The following MTUS2 variants were observed in gnomAD, a reference collection of about 807,000 sequenced individuals.
The protein encoded by MTUS2 is microtubule associated scaffold protein 2.
In MTUS2, 40 loss-of-function variants were observed where a neutral mutation model predicts 114.1. The ratio of observed to expected loss-of-function variants is 0.35; its 90% CI spans 0.27 to 0.46. The LOEUF (loss-of-function observed/expected upper bound fraction) is 0.46. Among genes scored for constraint, MTUS2 ranks in the 20% least tolerant of loss-of-function variants. The pLI is 1.00. For synonymous variants in MTUS2, 688 were observed against 672.0 expected, an observed-to-expected ratio of 1.02 and a Z score of -0.37; for missense variants, 1,679 against 1,705.4, an observed-to-expected ratio of 0.98 and a Z score of 0.27.
chr13:28,950,308 T>C (rs185795208), intron 2 of MTUS2, among the ~76,000 whole-genome samples: 2 of 152,334 alleles, frequency 1.3e-5, no homozygotes, highest in Admixed American at 6.5e-5. Context: ...TTTTTGTTTG[T>C]TGTTGAGCTG....
chr13:29,179,998 T>C (rs9579302), intron 5 of MTUS2, among the ~76,000 whole-genome samples: 23 of 152,340 alleles, frequency 1.5e-4, no homozygotes, highest in Non-Finnish European at 2.9e-4. Flanking sequence ...ACATAAACTG[T>C]GTTAGGTGAA....
At chr13:29,064,020 G>A (rs1888540371) in intron 4 of MTUS2, among the ~76,000 whole-genome samples, 3 of 152,196 alleles carry the variant, frequency 2.0e-5, no homozygotes, top group Admixed American at 2.0e-4. Flanking sequence ...AGGCCTGGGG[G>A]CGCATTGATT....
At chr13:29,498,874 C>T (rs1051138230) in intron 14 of MTUS2, among the ~76,000 whole-genome samples, 4 of 152,186 alleles carry the variant, frequency 2.6e-5, no homozygotes, top group East Asian at 3.9e-4. Flanking sequence ...AGACACTGCA[C>T]GGAGCACTTT....
chr13:28,888,319 G>A (rs1343025100), intron 2 of MTUS2, among the ~76,000 whole-genome samples: 2 of 151,930 alleles, frequency 1.3e-5, no homozygotes, highest in Non-Finnish European at 2.9e-5. Flanking sequence ...GTTTTAAATA[G>A]GACAGTGAAA....
chr13:29,152,009 C>T (rs190857301), intron 5 of MTUS2, among the ~76,000 whole-genome samples: 7 of 151,854 alleles, frequency 4.6e-5, no homozygotes, highest in South Asian at 2.1e-4. Context: ...GTTGTGTCTT[C>T]GATCGATTTT....
intron 1 of MTUS2, among the ~76,000 whole-genome samples, chr13:28,832,581 TTAA>T (rs1874765632): frequency 2.0e-5 from 3 of 150,130 alleles, no homozygotes; most frequent in African/African-American, 7.3e-5. Flanking sequence ...ACTTTACACC[TTAA>T]TAATGTAAAG....
At chr13:29,268,533 C>G (rs1566100910) in intron 5 of MTUS2, among the ~76,000 whole-genome samples, 1 of 152,176 alleles carries the variant, frequency 6.6e-6, no homozygotes, top group Non-Finnish European at 1.5e-5. Context: ...CCATGCTCGT[C>G]CCTTTGCTGG....
intron 2 of MTUS2, among the ~76,000 whole-genome samples, chr13:28,968,675 C>T (rs1044709006): frequency 2.6e-5 from 4 of 152,100 alleles, no homozygotes; most frequent in Non-Finnish European, 5.9e-5. Flanking sequence ...TTTTATATGA[C>T]TCGTGCCTTA....
At chr13:29,016,081 T>A (rs1886053389) in intron 2 of MTUS2, among the ~76,000 whole-genome samples, 1 of 152,074 alleles carries the variant, frequency 6.6e-6, no homozygotes, top group Non-Finnish European at 1.5e-5. Context: ...ATTTTTGTAT[T>A]TTTAGTAGAG....
chr13:29,018,431 A>T (rs1488999044), intron 2 of MTUS2, among the ~76,000 whole-genome samples: 6 of 152,202 alleles, frequency 3.9e-5, no homozygotes, highest in African/African-American at 1.4e-4. Context: ...GGATGAAGAA[A>T]TTCTATATGA....
chr13:29,178,566 A>G (rs1407180814), intron 5 of MTUS2, among the ~76,000 whole-genome samples: 1 of 152,134 alleles, frequency 6.6e-6, no homozygotes, highest in Admixed American at 6.5e-5. Context: ...CAACACCCTC[A>G]GTAGCACTTC....
chr13:28,863,301 A>G (rs1246810180), intron 2 of MTUS2, among the ~76,000 whole-genome samples: 1 of 152,150 alleles, frequency 6.6e-6, no homozygotes, highest in Non-Finnish European at 1.5e-5. Context: ...ATTGTTCCTT[A>G]TTAAAATCCA....
chr13:29,248,984 G>C (rs1276293070), intron 5 of MTUS2, among the ~76,000 whole-genome samples: 1 of 151,884 alleles, frequency 6.6e-6, no homozygotes, highest in Non-Finnish European at 1.5e-5. Context: ...TCGTTCGTTT[G>C]TTCGTTTGTT....
intron 2 of MTUS2, among the ~76,000 whole-genome samples, chr13:28,980,016 AATC>A (rs1452656265): frequency 2.6e-5 from 4 of 152,212 alleles, no homozygotes; most frequent in African/African-American, 9.6e-5. Flanking sequence ...ATTTAAAGCA[AATC>A]ATCAGAAGGA....
intron 2 of MTUS2, among the ~76,000 whole-genome samples, chr13:28,952,707 T>C (rs1882870374): frequency 6.6e-6 from 1 of 152,226 alleles, no homozygotes; most frequent in African/African-American, 2.4e-5. Flanking sequence ...AACACACTTT[T>C]CTGTATCTTA....
intron 5 of MTUS2, among the ~76,000 whole-genome samples, chr13:29,213,715 A>G (rs925863587): frequency 3.9e-5 from 6 of 152,174 alleles, no homozygotes; most frequent in African/African-American, 1.4e-4. Context: ...CTATTTGTCT[A>G]TTGATTTTTA....
intron 2 of MTUS2, among the ~76,000 whole-genome samples, chr13:28,971,002 A>C (rs552684790): frequency 6.6e-6 from 1 of 152,326 alleles, no homozygotes; most frequent in Non-Finnish European, 1.5e-5. Flanking sequence ...GTGTAAAAGC[A>C]GTACTCGATA....
At chr13:29,411,819 A>G (rs1875260298) in intron 8 of MTUS2, among the ~76,000 whole-genome samples, 1 of 152,170 alleles carries the variant, frequency 6.6e-6, no homozygotes, top group Admixed American at 6.5e-5. Context: ...CTTCCTGTGT[A>G]TTTAATGTTC....
chr13:29,465,354 C>T (rs1244698530), intron 9 of MTUS2, among the ~76,000 whole-genome samples: 1 of 152,210 alleles, frequency 6.6e-6, no homozygotes, highest in Non-Finnish European at 1.5e-5. Context: ...TGCACAGGAG[C>T]ATCAGCTGGT....
Sources: allele counts gnomAD v4.1 joint callset (sites outside exome capture counted in the v4.1 genomes callset), GRCh38; gene constraint gnomAD v4.1.1; transcripts MANE v1.5; gene names NCBI Gene and HGNC (gene_info 2026-07-23, HGNC 2026-07-21).